RNF144B: variants seen among roughly 807,000 people sequenced by gnomAD.
The protein encoded by RNF144B is E3 ubiquitin-protein ligase RNF144B.
A neutral mutation model predicts 40.2 loss-of-function variants in RNF144B; 25 were observed. That is an observed-to-expected ratio of 0.62 (90% CI 0.45 to 0.87). The LOEUF (loss-of-function observed/expected upper bound fraction) is 0.87. Among genes scored for constraint, RNF144B ranks in the 40% least tolerant of loss-of-function variants. The pLI is 0.00. For synonymous variants in RNF144B, 145 were observed against 136.3 expected, an observed-to-expected ratio of 1.06 and a Z score of -0.44; for missense variants, 365 against 373.7, an observed-to-expected ratio of 0.98 and a Z score of 0.19.
Position 18,450,152 on chromosome 6 carries a change from C to T in RNF144B, c.332-7003C>T, listed in dbSNP as rs188969078. On this transcript the variant is annotated intron_variant, in intron 4 of 7. Coordinates refer to ENST00000259939, the MANE Select transcript of RNF144B (RefSeq NM_182757.4). The surrounding 1 kb of genome is among the most constrained non-coding windows in gnomAD (Gnocchi z 4.7). Reference sequence around the variant, plus strand: ...TTGTGCTGTGCAAATTCTGCACTTTCCCAGACTTGTCTGTGCTGGATGCAG... The same window carrying T: ...TTGTGCTGTGCAAATTCTGCACTTTTCCAGACTTGTCTGTGCTGGATGCAG... Among the ~76,000 whole-genome samples, 1 of 152,192 alleles carries T rather than the reference C, an allele frequency of 6.6e-6. No homozygotes were observed. Among genetic ancestry groups the T allele is most frequent in the African/African-American group, 2.4e-5 (1 of 41,444 alleles).
At chr6:18,389,263 T>C (rs72832414) in intron 1 of RNF144B, among the ~76,000 whole-genome samples, 3 of 152,332 alleles carry the variant, frequency 2.0e-5, no homozygotes, top group Non-Finnish European at 4.4e-5. Context: ...GCTTAAGACA[T>C]GTCTTTTTAA....
chr6:18,459,751 T>A lies in RNF144B; in HGVS notation c.681T>A (p.Asp227Glu). The A allele has an allele frequency of 6.2e-7, 1 of 1,613,900 alleles. No homozygotes were observed. The highest frequency in any genetic ancestry group is 8.5e-7 in the Non-Finnish European group (1 of 1,179,750). Residue 227 changes from aspartate (D) to glutamate (E), a missense_variant and splice_region_variant, in exon 6 of 8, where the codon GAT (aspartate) becomes GAA (glutamate). Coordinates refer to ENST00000259939, the MANE Select transcript of RNF144B (RefSeq NM_182757.4). The surrounding 1 kb of genome is among the most constrained non-coding windows in gnomAD (Gnocchi z 4.2). ...GCTGGTACTGCCTCCAGAACTTGGA[T>A]GTAAGTTCCACCTAGGTTTGTTGTA... Reference protein sequence around the residue: ...TFCWYCLQNLDNDIFLRHYDK... With the variant: ...TFCWYCLQNLENDIFLRHYDK...
chr6:18,427,098 G>T (rs1456801254), intron 2 of RNF144B, among the ~76,000 whole-genome samples: 1 of 152,138 alleles, frequency 6.6e-6, no homozygotes, highest in African/African-American at 2.4e-5. Flanking sequence ...ATCTTTTCCA[G>T]GTATGTTTGC....
At position 18,460,163 on chromosome 6, in the gene RNF144B, G is replaced by C. The variant is rs113457213; in HGVS notation, c.681+412G>C. 5.6e-4 allele frequency among the ~76,000 whole-genome samples: 86 copies of C among 152,336 alleles called. 1 individual carries two copies. The highest frequency in any genetic ancestry group is 1.9e-3 in the African/African-American group (81 of 41,584). On this transcript the variant is annotated intron_variant, in intron 6 of 7. Coordinates refer to ENST00000259939, the MANE Select transcript of RNF144B (RefSeq NM_182757.4). This position sits in a 1 kb window ranked among gnomAD's most constrained non-coding sequence, Gnocchi z 4.4. ...TTGCTGGATTAAAATCAAGGTGTCA[G>C]CCGGGCTGCATTTCTTTCTGGAGGC... is the stretch of plus-strand genomic sequence containing the variant.
rs1379259241 is a variant in RNF144B, at chr6:18,398,222, T to G, written c.-36-1277T>G. Among the ~76,000 whole-genome samples, 2 of 152,230 alleles carry G rather than the reference T, an allele frequency of 1.3e-5. No individual in the cohort carries two copies. Among genetic ancestry groups the G allele is most frequent in the Admixed American group, 1.3e-4 (2 of 15,278 alleles). On this transcript the variant is annotated intron_variant, in intron 1 of 7. Coordinates refer to ENST00000259939, the MANE Select transcript of RNF144B (RefSeq NM_182757.4). The surrounding 1 kb of genome is among the most constrained non-coding windows in gnomAD (Gnocchi z 5.0). ...AATTGACTACTCTAGGTACCTCATT[T>G]AAGTGGAATCATACAATATTTGATT...
At chr6:18,430,604 C>T (rs2113503237) in intron 3 of RNF144B, among the ~76,000 whole-genome samples, 1 of 152,198 alleles carries the variant, frequency 6.6e-6, no homozygotes, top group African/African-American at 2.4e-5. Context: ...CCACCTCAGC[C>T]TCCCAAGTAG....
chr6:18,443,142 C>T lies in RNF144B; in HGVS notation c.331+3398C>T, dbSNP rs1227040975. 6.6e-6 allele frequency among the ~76,000 whole-genome samples: 1 copy of T among 152,174 alleles called. No homozygotes were observed. Among genetic ancestry groups the T allele is most frequent in the Non-Finnish European group, 1.5e-5 (1 of 68,032 alleles). Reference sequence around the variant, plus strand: ...ATAATTTAAATATAAATTTAATAGACATCTTACTGTCATAAAGTATTGCAG... The same window carrying T: ...ATAATTTAAATATAAATTTAATAGATATCTTACTGTCATAAAGTATTGCAG... On this transcript the variant is annotated intron_variant, in intron 4 of 7. Transcript: ENST00000259939. This position sits in a 1 kb window ranked among gnomAD's most constrained non-coding sequence, Gnocchi z 4.7.
chr6:18,439,960 T>G (rs746833771), intron 4 of RNF144B, among the ~76,000 whole-genome samples: 7 of 152,020 alleles, frequency 4.6e-5, no homozygotes, highest in Non-Finnish European at 1.0e-4. Flanking sequence ...TTTCCTTATG[T>G]TGTTTGTTTT....
At chr6:18,401,332 T>A (rs9383383) in intron 2 of RNF144B, among the ~76,000 whole-genome samples, 55,112 of 152,054 alleles carry the variant, frequency 0.36, 10,418 homozygotes, top group South Asian at 0.49. Context: ...CTTTCAGCAA[T>A]TTGAGGGTAG....
intron 2 of RNF144B, among the ~76,000 whole-genome samples, chr6:18,426,036 A>G (rs28406818): frequency 6.6e-6 from 1 of 152,328 alleles, no homozygotes; most frequent in Non-Finnish European, 1.5e-5. Flanking sequence ...GTAATATAAT[A>G]GTGATACTAG....
rs1758536629 is a variant in RNF144B at position 18,425,888 on chromosome 6, A to C, written c.166-1693A>C. 6.6e-6 allele frequency among the ~76,000 whole-genome samples: 1 copy of C among 152,166 alleles called. No individual in the cohort carries two copies. The highest frequency in any genetic ancestry group is 2.4e-5 in the African/African-American group (1 of 41,434). The stretch of plus-strand genomic sequence containing the variant: ...TTGCTGTGATGAATATTATAGAAAA[A>C]ATTAACTCCTTGGAGAAAAAAACTG... On this transcript the variant is annotated intron_variant, in intron 2 of 7. Coordinates refer to ENST00000259939, the MANE Select transcript of RNF144B (RefSeq NM_182757.4). This position sits in a 1 kb window ranked among gnomAD's most constrained non-coding sequence, Gnocchi z 4.2.
rs1759384303 is a variant in RNF144B at position 18,458,562 on chromosome 6, A to C, written c.537-1045A>C. Among the ~76,000 whole-genome samples, 3 of 152,178 alleles carry C rather than the reference A, an allele frequency of 2.0e-5. No homozygotes were observed. On this transcript the variant is annotated intron_variant, in intron 5 of 7. Coordinates refer to ENST00000259939, the MANE Select transcript of RNF144B (RefSeq NM_182757.4). This position sits in a 1 kb window ranked among gnomAD's most constrained non-coding sequence, Gnocchi z 4.8. ...CTACATTTTCGTGGCCATAGCAGGA[A>C]GCTCCGTGGGTATCACAGGGCAACG... is the stretch of plus-strand genomic sequence containing the variant.
chr6:18,417,302 C>G (rs560657274), intron 2 of RNF144B, among the ~76,000 whole-genome samples: 2 of 152,244 alleles, frequency 1.3e-5, no homozygotes, highest in East Asian at 3.9e-4. Flanking sequence ...AGTTGGAGAG[C>G]TCTATTCCTC....
chr6:18,433,204 G>A (rs553725494), intron 3 of RNF144B, among the ~76,000 whole-genome samples: 2 of 152,110 alleles, frequency 1.3e-5, no homozygotes, highest in South Asian at 4.1e-4. Flanking sequence ...GAATGCCCAG[G>A]CAAGAGGCCA....
At chr6:18,428,733 AC>A in intron 3 of RNF144B, among the ~76,000 whole-genome samples, 1 of 152,264 alleles carries the variant, frequency 6.6e-6, no homozygotes, top group Admixed American at 6.5e-5. Context: ...CCAGTATACT[AC>A]CTAATCCTCT....
chr6:18,405,553 A>T lies in RNF144B; in HGVS notation c.165+5854A>T, dbSNP rs10949502. On this transcript the variant is annotated intron_variant, in intron 2 of 7. Transcript: ENST00000259939. The surrounding 1 kb of genome is among the most constrained non-coding windows in gnomAD (Gnocchi z 4.5). ...ATCAGTGAATTTGTCTTTGTTTGTG[A>T]AATAACTTCAATATACTCACTGCTT... Among the ~76,000 whole-genome samples the T allele has an allele frequency of 6.6e-6, 1 of 151,972 alleles. No individual in the cohort carries two copies. Among genetic ancestry groups the T allele is most frequent in the Admixed American group, 6.6e-5 (1 of 15,240 alleles).
rs922292554 is a variant in RNF144B, at chr6:18,395,120, C to T, written c.-36-4379C>T. Among the ~76,000 whole-genome samples the T allele has an allele frequency of 6.6e-6, 1 of 152,196 alleles. No homozygotes were observed. The highest frequency in any genetic ancestry group is 1.5e-5 in the Non-Finnish European group (1 of 68,032). On this transcript the variant is annotated intron_variant, in intron 1 of 7. Transcript: ENST00000259939. This position sits in a 1 kb window ranked among gnomAD's most constrained non-coding sequence, Gnocchi z 4.5. Reference sequence around the variant, plus strand: ...AGAGGCACAGTCACATCTATAATCACTGTAAAAGTAATTATAATTGTTAGC... The same window carrying T: ...AGAGGCACAGTCACATCTATAATCATTGTAAAAGTAATTATAATTGTTAGC...
chr6:18,417,353 G>A (rs1795163529), intron 2 of RNF144B, among the ~76,000 whole-genome samples: 2 of 152,208 alleles, frequency 1.3e-5, no homozygotes, highest in East Asian at 1.9e-4. Flanking sequence ...TCAAAACATT[G>A]TGATACTGTC....
chr6:18,406,045 T>G lies in RNF144B; in HGVS notation c.165+6346T>G, dbSNP rs781591960. On this transcript the variant is annotated intron_variant, in intron 2 of 7. Coordinates refer to ENST00000259939, the MANE Select transcript of RNF144B (RefSeq NM_182757.4). The surrounding 1 kb of genome is among the most constrained non-coding windows in gnomAD (Gnocchi z 4.2). Reference sequence around the variant, plus strand: ...AGAATGGGTCTCAAGTTTGGTAGCTTAGGCTTTATTTATTCAACAAATATT... The same window carrying G: ...AGAATGGGTCTCAAGTTTGGTAGCTGAGGCTTTATTTATTCAACAAATATT... 1.9e-6 allele frequency: 1 copy of G among 518,756 alleles called. No individual in the cohort carries two copies. Among genetic ancestry groups the G allele is most frequent in the African/African-American group, 1.9e-5 (1 of 51,954 alleles). 32.1% of individuals were successfully genotyped at this position (518,756 alleles called of 1,614,324 possible).
Sources: gnomAD v4.1 joint callset for allele counts (sites outside exome capture counted in the v4.1 genomes callset) on GRCh38, gnomAD v4.1.1 for gene constraint, Gnocchi (gnomAD v3.1) non-coding constraint, MANE v1.5 for transcripts, NCBI Gene and HGNC (gene_info 2026-07-23, HGNC 2026-07-21) for gene names.